TCF12: variants seen among roughly 807,000 people sequenced by gnomAD.
The protein encoded by TCF12 is transcription factor 12, also known as DNA-binding protein HTF4.
TCF12 carries 45 observed loss-of-function variants against 86.0 expected under a neutral mutation model. The ratio of observed to expected loss-of-function variants is 0.52; its 90% CI spans 0.41 to 0.67. TCF12 has a LOEUF of 0.67. TCF12 is among the 30% of genes least tolerant of loss of function. The pLI is 0.00. For missense variants in TCF12, 881 were observed against 859.9 expected (o/e 1.02, Z -0.31); for synonymous variants, 330 against 299.6 (o/e 1.10, Z -1.05).
At chr15:57,201,597 A>G (rs2057545556) in intron 8 of TCF12, among the ~76,000 whole-genome samples, 1 of 152,198 alleles carries the variant, frequency 6.6e-6, no homozygotes, top group African/African-American at 2.4e-5. Flanking sequence ...GTGGGGGCAC[A>G]CATAAAATCA....
At chr15:56,937,117 T>C (rs1306348786) in intron 3 of TCF12, among the ~76,000 whole-genome samples, 1 of 152,222 alleles carries the variant, frequency 6.6e-6, no homozygotes, top group East Asian at 1.9e-4. Flanking sequence ...GCATGGGTTG[T>C]GTTCCCGTTT....
chr15:57,170,695 TA>T (rs2055327958), intron 6 of TCF12, among the ~76,000 whole-genome samples: 1 of 1,872 alleles, frequency 5.3e-4, no homozygotes, highest in Non-Finnish European at 9.3e-4. Context: ...ATATAATATA[TA>T]TTATATATAA....
At chr15:57,075,804 TTCTCTCTCTC>T (rs1244304206) in intron 4 of TCF12, among the ~76,000 whole-genome samples, 7 of 28,590 alleles carry the variant, frequency 2.4e-4, no homozygotes, top group Non-Finnish European at 3.2e-4. Context: ...CTTTCTTTCT[TTCTCTCTCTC>T]TCTCTCTCTC....
At chr15:57,180,869 C>T (rs2056296543) in intron 6 of TCF12, among the ~76,000 whole-genome samples, 1 of 120,000 alleles carries the variant, frequency 8.3e-6, no homozygotes, top group Admixed American at 1.2e-4. Flanking sequence ...GGCTGGAGTG[C>T]AGTGGTGTGA....
chr15:57,146,338 A>T (rs2053362050), intron 5 of TCF12, among the ~76,000 whole-genome samples: 1 of 152,202 alleles, frequency 6.6e-6, no homozygotes, highest in Non-Finnish European at 1.5e-5. Flanking sequence ...AGTAAATTAA[A>T]TGTGAAATTT....
At chr15:57,032,654 A>G (rs1166125787) in intron 3 of TCF12, among the ~76,000 whole-genome samples, 1 of 152,190 alleles carries the variant, frequency 6.6e-6, no homozygotes, top group African/African-American at 2.4e-5. Context: ...TATGTTGCCC[A>G]GGCTGGTCTT....
intron 8 of TCF12, among the ~76,000 whole-genome samples, chr15:57,200,469 A>T (rs938457380): frequency 1.3e-5 from 2 of 152,184 alleles, no homozygotes; most frequent in African/African-American, 4.8e-5. Context: ...TTGACTATGT[A>T]TATTTTATTT....
chr15:57,242,970 CA>C (rs1308382846), intron 12 of TCF12, among the ~76,000 whole-genome samples: 1 of 152,064 alleles, frequency 6.6e-6, no homozygotes, highest in African/African-American at 2.4e-5. Flanking sequence ...CTAAAATTGG[CA>C]AAAATGTGGT....
intron 3 of TCF12, among the ~76,000 whole-genome samples, chr15:56,953,174 A>T (rs1278630320): frequency 1.3e-5 from 2 of 152,158 alleles, no homozygotes; most frequent in Non-Finnish European, 1.5e-5. Flanking sequence ...TTGTTAAACT[A>T]AGTTTGCATT....
chr15:57,197,152 CTT>C lies in TCF12; in HGVS notation c.527-601_527-600del, dbSNP rs138145337. Among the ~76,000 whole-genome samples the C allele has an allele frequency of 3.7e-3, 320 of 87,238 alleles. 2 individuals carry two copies. Among genetic ancestry groups the C allele is most frequent in the African/African-American group, 0.013 (303 of 23,140 alleles). 57.2% of individuals were successfully genotyped at this position (87,238 alleles called of 152,430 possible). A position where few individuals can be genotyped will look rare whatever the true frequency, so the allele number is the denominator to read the frequency against. ...TATAGTACCTGGCACAGAACAGCTT[CTT>C]TTTTTTTTTTTTTTTTTTTGAGACA... On this transcript the variant is annotated intron_variant, in intron 7 of 20. Transcript: ENST00000333725.
chr15:57,259,317 C>G (rs2060481562), intron 16 of TCF12, among the ~76,000 whole-genome samples: 1 of 152,076 alleles, frequency 6.6e-6, no homozygotes, highest in African/African-American at 2.4e-5. Context: ...TGTAAAGATC[C>G]TTTAAGCAAT....
intron 3 of TCF12, among the ~76,000 whole-genome samples, chr15:56,940,564 C>CT (rs2060701932): frequency 7.2e-6 from 1 of 139,596 alleles, no homozygotes. Flanking sequence ...TTTCCTCTTC[C>CT]TCTTCTTCTT....
intron 5 of TCF12, among the ~76,000 whole-genome samples, chr15:57,120,015 A>G (rs1354113564): frequency 1.3e-5 from 2 of 152,126 alleles, no homozygotes; most frequent in African/African-American, 2.4e-5. Context: ...ATTTAGTTTG[A>G]AGTGTTTTAT....
At chr15:56,990,230 TGTGTGTGTGTCTGTGTGTGCGTGTGC>T (rs1182831346) in intron 3 of TCF12, among the ~76,000 whole-genome samples, 3 of 146,568 alleles carry the variant, frequency 2.0e-5, no homozygotes, top group Admixed American at 1.4e-4. Context: ...ATCTTTATCG[TGTGTGTGTGTCTGTGTGTGCGTGTGC>T]GTGTGTGTGT....
chr15:57,099,552 G>A (rs2049579346), intron 5 of TCF12, among the ~76,000 whole-genome samples: 1 of 152,064 alleles, frequency 6.6e-6, no homozygotes. Flanking sequence ...CAAAGAATTA[G>A]TTGTTGATTT....
intron 8 of TCF12, chr15:57,219,054 G>C (rs962285807): frequency 3.8e-6 from 4 of 1,051,434 alleles, no homozygotes; most frequent in Admixed American, 5.5e-5. Context: ...GACCATGGCA[G>C]ATGGTAACGC....
intron 6 of TCF12, among the ~76,000 whole-genome samples, chr15:57,169,275 C>CT (rs1338640160): frequency 2.6e-5 from 4 of 152,122 alleles, no homozygotes; most frequent in African/African-American, 9.7e-5. Context: ...AGTATTGAAT[C>CT]TTACATGTAT....
intron 3 of TCF12, among the ~76,000 whole-genome samples, chr15:56,970,244 A>G (rs2439925): frequency 0.22 from 34,117 of 151,862 alleles, 3,899 homozygotes; most frequent in Middle Eastern, 0.24. Flanking sequence ...CACTTTGGGA[A>G]GCTGAGGTGG....
chr15:56,960,864 G>C (rs1430425065), intron 3 of TCF12, among the ~76,000 whole-genome samples: 2 of 151,944 alleles, frequency 1.3e-5, no homozygotes, highest in Admixed American at 1.3e-4. Context: ...ATTAGGCCGG[G>C]CACAGTGGCT....
Sources: allele counts gnomAD v4.1 joint callset (sites outside exome capture counted in the v4.1 genomes callset), GRCh38; gene constraint gnomAD v4.1.1; transcripts MANE v1.5; gene names NCBI Gene and HGNC (gene_info 2026-07-23, HGNC 2026-07-21).